The following TMEM132D variants were observed in gnomAD, a reference collection of about 807,000 sequenced individuals.
TMEM132D encodes transmembrane protein 132D.
Under a neutral mutation model 62.3 loss-of-function variants are expected in TMEM132D, and 21 were observed. That is an observed-to-expected ratio of 0.34 (90% CI 0.24 to 0.49). The LOEUF is 0.49. Among genes scored for constraint, TMEM132D ranks in the 20% least tolerant of loss-of-function variants. The pLI, the probability that TMEM132D is intolerant of heterozygous loss-of-function variation, is 0.99. For synonymous variants in TMEM132D, 621 were observed against 575.6 expected, an observed-to-expected ratio of 1.08 and a Z score of -1.13; for missense variants, 1,346 against 1,402.8, an observed-to-expected ratio of 0.96 and a Z score of 0.65.
chr12:129,581,002 C>T (rs1422487069), intron 2 of TMEM132D, among the ~76,000 whole-genome samples: 1 of 152,136 alleles, frequency 6.6e-6, no homozygotes, highest in African/African-American at 2.4e-5. Context: ...TATATCTGAC[C>T]CTCCAAACTT....
chr12:129,120,676 T>C (rs554068419), intron 5 of TMEM132D, among the ~76,000 whole-genome samples: 9 of 152,306 alleles, frequency 5.9e-5, no homozygotes, highest in South Asian at 2.1e-4. Context: ...ATAGTATAGA[T>C]AGATAAGTAC....
intron 2 of TMEM132D, among the ~76,000 whole-genome samples, chr12:129,575,255 G>C (rs1382871865): frequency 6.6e-6 from 1 of 151,760 alleles, no homozygotes; most frequent in Non-Finnish European, 1.5e-5. Context: ...TGTTACTGGT[G>C]AGGCTACCCA....
chr12:129,103,010 A>C (rs528454122), intron 5 of TMEM132D, among the ~76,000 whole-genome samples: 6 of 152,340 alleles, frequency 3.9e-5, no homozygotes, highest in Admixed American at 3.9e-4. Context: ...CATACATATC[A>C]GCACATTTAC....
intron 1 of TMEM132D, among the ~76,000 whole-genome samples, chr12:129,830,871 G>A (rs1447941844): frequency 6.6e-6 from 1 of 152,142 alleles, no homozygotes; most frequent in African/African-American, 2.4e-5. Flanking sequence ...AGTCAACGTA[G>A]TTGGGTGTTG....
chr12:129,216,582 A>G (rs1025616894), intron 4 of TMEM132D, among the ~76,000 whole-genome samples: 2 of 152,220 alleles, frequency 1.3e-5, no homozygotes, highest in African/African-American at 4.8e-5. Flanking sequence ...TAGAGCCTCC[A>G]GAGGGAGCAT....
intron 3 of TMEM132D, among the ~76,000 whole-genome samples, chr12:129,479,373 A>G (rs1324504830): frequency 1.3e-5 from 2 of 152,038 alleles, no homozygotes; most frequent in African/African-American, 2.4e-5. Flanking sequence ...CTTTATTACT[A>G]GTTGAACTTC....
chr12:129,768,483 A>G (rs4760009), intron 1 of TMEM132D, among the ~76,000 whole-genome samples: 144,919 of 151,204 alleles, frequency 0.96, 69,759 homozygotes, highest in East Asian at 1. Context: ...TTAAGGAACC[A>G]TCCTTAAAAA....
intron 3 of TMEM132D, among the ~76,000 whole-genome samples, chr12:129,396,157 T>C (rs1464479634): frequency 6.7e-6 from 1 of 150,326 alleles, no homozygotes; most frequent in Non-Finnish European, 1.5e-5. Flanking sequence ...TAGTGGAATA[T>C]GTTCACTATC....
At chr12:129,243,272 C>T (rs2135585540) in intron 4 of TMEM132D, among the ~76,000 whole-genome samples, 1 of 152,264 alleles carries the variant, frequency 6.6e-6, no homozygotes, top group South Asian at 2.1e-4. Context: ...TTTCATTATT[C>T]ATTGTAGTAT....
chr12:129,246,040 C>T (rs938696999), intron 4 of TMEM132D, among the ~76,000 whole-genome samples: 2 of 152,028 alleles, frequency 1.3e-5, no homozygotes, highest in Admixed American at 1.3e-4. Flanking sequence ...ATGTTGGACC[C>T]TCTCCCCACC....
intron 1 of TMEM132D, among the ~76,000 whole-genome samples, chr12:129,823,093 C>T (rs1872578775): frequency 6.6e-6 from 1 of 152,158 alleles, no homozygotes; most frequent in Admixed American, 6.5e-5. Context: ...TGGCACCTCG[C>T]ACATCTCTTT....
At chr12:129,519,036 C>T (rs1401396604) in intron 3 of TMEM132D, among the ~76,000 whole-genome samples, 1 of 152,138 alleles carries the variant, frequency 6.6e-6, no homozygotes, top group Non-Finnish European at 1.5e-5. Flanking sequence ...CCAGTTACAG[C>T]CCAAGGAGGT....
intron 1 of TMEM132D, among the ~76,000 whole-genome samples, chr12:129,757,340 T>C (rs1166370438): frequency 6.6e-6 from 1 of 152,166 alleles, no homozygotes; most frequent in Admixed American, 6.5e-5. Flanking sequence ...CCCTCCTTAA[T>C]CTCATGTATT....
rs1303059432 is a variant in TMEM132D, at chr12:129,388,443, C to T, written c.1116-50626G>A. ...GCAACACCAATACTAACACCAACAC[C>T]AATCCAGCACTGATGATAATATTAA... On this transcript the variant is annotated intron_variant, in intron 3 of 8. Coordinates refer to ENST00000422113, the MANE Select transcript of TMEM132D (RefSeq NM_133448.3). Among the ~76,000 whole-genome samples the T allele has an allele frequency of 5.9e-5, 7 of 118,824 alleles. 1 individual carries two copies. Among genetic ancestry groups the T allele is most frequent in the Non-Finnish European group, 1.4e-4 (7 of 49,104 alleles). 78.0% of individuals were successfully genotyped at this position (118,824 alleles called of 152,430 possible).
chr12:129,648,692 T>C (rs1038308043), intron 2 of TMEM132D, among the ~76,000 whole-genome samples: 3 of 152,236 alleles, frequency 2.0e-5, no homozygotes, highest in African/African-American at 7.2e-5. Context: ...GTCAATTTTA[T>C]TGGCAACAAA....
chr12:129,189,184 G>T (rs925331596), intron 5 of TMEM132D, among the ~76,000 whole-genome samples: 1 of 152,140 alleles, frequency 6.6e-6, no homozygotes, highest in African/African-American at 2.4e-5. Flanking sequence ...GAAGCCGTTG[G>T]AGGGAAGCCC....
chr12:129,589,724 C>G (rs1177877405), intron 2 of TMEM132D, among the ~76,000 whole-genome samples: 1 of 152,130 alleles, frequency 6.6e-6, no homozygotes, highest in East Asian at 1.9e-4. Context: ...GGTGGTTGAG[C>G]AAATCTACAG....
At chr12:129,748,526 G>T (rs1310195926) in intron 1 of TMEM132D, among the ~76,000 whole-genome samples, 1 of 152,114 alleles carries the variant, frequency 6.6e-6, no homozygotes, top group Non-Finnish European at 1.5e-5. Context: ...AGAGAAGCAG[G>T]GCTCATAGAA....
At chr12:129,796,178 A>C (rs1871555638) in intron 1 of TMEM132D, among the ~76,000 whole-genome samples, 1 of 152,048 alleles carries the variant, frequency 6.6e-6, no homozygotes, top group Admixed American at 6.6e-5. Context: ...CTAAATAAAT[A>C]AATAAATAAA....
Sources: gnomAD v4.1 joint callset for allele counts (sites outside exome capture counted in the v4.1 genomes callset) on GRCh38, gnomAD v4.1.1 for gene constraint, MANE v1.5 for transcripts, NCBI Gene and HGNC (gene_info 2026-07-23, HGNC 2026-07-21) for gene names.